The following WNT2 variants were observed in gnomAD, a reference collection of about 807,000 sequenced individuals.
WNT2 encodes Wnt family member 2, also known as protein Wnt-2.
A neutral mutation model predicts 36.9 loss-of-function variants in WNT2; 12 were observed. The ratio of observed to expected loss-of-function variants is 0.33; its 90% CI spans 0.21 to 0.53. WNT2 has a LOEUF of 0.53. Ranked by LOEUF, WNT2 falls within the 20% of genes least tolerant of loss-of-function variation. The pLI is 0.95. For missense variants in WNT2, 379 were observed against 473.1 expected, an observed-to-expected ratio of 0.80 and a Z score of 1.84; for synonymous variants, 163 against 174.6, an observed-to-expected ratio of 0.93 and a Z score of 0.52.
At chr7:117,316,845 TAA>T (rs774822472) in intron 2 of WNT2, among the ~76,000 whole-genome samples, 1 of 152,168 alleles carries the variant, frequency 6.6e-6, no homozygotes, top group Non-Finnish European at 1.5e-5. Flanking sequence ...AGAGCTGTTT[TAA>T]AGAGTCCCAG....
intron 3 of WNT2, among the ~76,000 whole-genome samples, chr7:117,304,089 T>C (rs1754095495): frequency 6.6e-6 from 1 of 152,252 alleles, no homozygotes; most frequent in African/African-American, 2.4e-5. Flanking sequence ...ATAACTCCTT[T>C]AACGTGGACG....
chr7:117,320,277 G>T (rs931846577), intron 2 of WNT2, among the ~76,000 whole-genome samples: 1 of 152,182 alleles, frequency 6.6e-6, no homozygotes, highest in Non-Finnish European at 1.5e-5. Context: ...TCTTAGAGAC[G>T]AAGTCTGAAC....
intron 3 of WNT2, among the ~76,000 whole-genome samples, chr7:117,303,023 C>T (rs775206891): frequency 5.3e-5 from 8 of 152,200 alleles, no homozygotes. Context: ...GTAGGTGTCA[C>T]TCCTGGCTAC....
intron 4 of WNT2, among the ~76,000 whole-genome samples, chr7:117,281,692 G>C (rs1037519763): frequency 6.6e-6 from 1 of 152,104 alleles, no homozygotes; most frequent in Non-Finnish European, 1.5e-5. Flanking sequence ...CTTCAGACAA[G>C]AGATATTGCG....
intron 3 of WNT2, among the ~76,000 whole-genome samples, chr7:117,300,314 A>G (rs1403324102): frequency 6.6e-6 from 1 of 152,030 alleles, no homozygotes; most frequent in Non-Finnish European, 1.5e-5. Flanking sequence ...AGCCTCCCGA[A>G]TAGCTGGGAC....
At chr7:117,318,361 G>T (rs1795259368) in intron 2 of WNT2, among the ~76,000 whole-genome samples, 1 of 152,170 alleles carries the variant, frequency 6.6e-6, no homozygotes, top group African/African-American at 2.4e-5. Flanking sequence ...AATCATCACT[G>T]ACAGTCACAA....
At chr7:117,306,701 A>G (rs574004899) in intron 3 of WNT2, among the ~76,000 whole-genome samples, 1 of 152,224 alleles carries the variant, frequency 6.6e-6, no homozygotes, top group East Asian at 1.9e-4. Context: ...TGGCCAGCAC[A>G]ATTCTTAATC....
chr7:117,314,071 T>C (rs1243298126), intron 3 of WNT2, among the ~76,000 whole-genome samples: 1 of 152,252 alleles, frequency 6.6e-6, no homozygotes, highest in Admixed American at 6.5e-5. Flanking sequence ...CTTATCTTTC[T>C]TTATATATTA....
Position 117,279,983 on chromosome 7 carries a change from G to A in WNT2, c.854-1599C>T, listed in dbSNP as rs765286534. Among the ~76,000 whole-genome samples, 46 of 152,072 alleles carry A rather than the reference G, an allele frequency of 3.0e-4. 1 individual carries two copies. Among genetic ancestry groups the A allele is most frequent in the Non-Finnish European group, 4.0e-4 (27 of 68,020 alleles). ...CCGCTCTGTGTTGGAATTATCTACA[G>A]AAATGTCATGTTGCCCTGCCTGTTC... On this transcript the variant is annotated intron_variant, in intron 4 of 4. Coordinates refer to ENST00000265441, the MANE Select transcript of WNT2 (RefSeq NM_003391.3).
chr7:117,278,491 CT>C (rs1794422562), intron 4 of WNT2, 107 bp from the exon 5 acceptor site: 13 of 1,085,376 alleles, frequency 1.2e-5, no homozygotes, highest in Non-Finnish European at 1.7e-5. Flanking sequence ...CCCTGACCCT[CT>C]CTTCCTACAG....
intron 3 of WNT2, among the ~76,000 whole-genome samples, chr7:117,312,848 C>T (rs1473692322): frequency 1.3e-5 from 2 of 152,056 alleles, no homozygotes; most frequent in Non-Finnish European, 2.9e-5. Flanking sequence ...AAATTAAGGC[C>T]CGTTATGAAT....
At chr7:117,295,154 T>TGAGACGAGAC (rs1794765655) in intron 4 of WNT2, among the ~76,000 whole-genome samples, 1 of 111,474 alleles carries the variant, frequency 9.0e-6, no homozygotes, top group African/African-American at 3.5e-5. Context: ...CGAGACAAGA[T>TGAGACGAGAC]GAGATGAGAC....
chr7:117,281,950 G>A (rs1458790823), intron 4 of WNT2, among the ~76,000 whole-genome samples: 3 of 152,154 alleles, frequency 2.0e-5, no homozygotes, highest in Non-Finnish European at 4.4e-5. Context: ...CAAGAGGCTT[G>A]GTGATGAAGA....
chr7:117,288,756 A>G (rs1794631463), intron 4 of WNT2, among the ~76,000 whole-genome samples: 2 of 152,180 alleles, frequency 1.3e-5, no homozygotes, highest in Admixed American at 6.5e-5. Context: ...TCACAATTCA[A>G]TCTGATTACC....
chr7:117,285,306 G>A (rs918243221), intron 4 of WNT2, among the ~76,000 whole-genome samples: 3 of 152,188 alleles, frequency 2.0e-5, no homozygotes, highest in African/African-American at 7.2e-5. Context: ...TAATTTGTTT[G>A]TAATGCCAGG....
intron 4 of WNT2, among the ~76,000 whole-genome samples, chr7:117,283,269 C>T (rs887536142): frequency 2.6e-5 from 4 of 152,190 alleles, no homozygotes; most frequent in African/African-American, 9.7e-5. Flanking sequence ...GTGAAAAGTG[C>T]TCTCACTTGG....
At chr7:117,289,353 C>T (rs1320610611) in intron 4 of WNT2, among the ~76,000 whole-genome samples, 3 of 152,140 alleles carry the variant, frequency 2.0e-5, no homozygotes, top group African/African-American at 7.2e-5. Context: ...CCACTGCGCC[C>T]GGCCCACTTG....
At chr7:117,304,432 AT>A (rs3034483) in intron 3 of WNT2, among the ~76,000 whole-genome samples, 38,162 of 116,204 alleles carry the variant, frequency 0.33, 4,847 homozygotes, top group Non-Finnish European at 0.39. Context: ...TCTCCTCCAC[AT>A]TTTTTTTTTT....
In WNT2 at chr7:117,278,033, G is replaced by C. The variant is rs1017758587; in HGVS notation, c.*122C>G. On this transcript the variant is annotated 3_prime_UTR_variant, in exon 5 of 5. Coordinates refer to ENST00000265441, the MANE Select transcript of WNT2 (RefSeq NM_003391.3). ...CCCCAGGGAGGAAGAGGGGGCTTCC[G>C]TTGAGATAAAGGCCACATGCCTTAG... 8.5e-6 allele frequency: 10 copies of C among 1,174,214 alleles called. No homozygotes were observed. In the African/African-American group the frequency reaches 1.4e-4, roughly 16 times the overall value. 72.7% of individuals were successfully genotyped at this position (1,174,214 alleles called of 1,614,324 possible). A position where few individuals can be genotyped will look rare whatever the true frequency, so the allele number is the denominator to read the frequency against.
Sources: allele counts gnomAD v4.1 joint callset (sites outside exome capture counted in the v4.1 genomes callset), GRCh38; gene constraint gnomAD v4.1.1; transcripts MANE v1.5; gene names NCBI Gene and HGNC (gene_info 2026-07-23, HGNC 2026-07-21).